Variants in SGCD observed in about 807,000 individuals in gnomAD.
SGCD encodes sarcoglycan delta.
A neutral mutation model predicts 36.6 loss-of-function variants in SGCD; 18 were observed. The ratio of observed to expected loss-of-function variants is 0.49; its 90% CI spans 0.34 to 0.73. SGCD has a LOEUF of 0.73. SGCD is among the 30% of genes least tolerant of loss of function. The pLI, the probability that SGCD is intolerant of heterozygous loss-of-function variation, is 0.01. For synonymous variants in SGCD, 133 were observed against 130.6 expected (o/e 1.02, Z -0.12); for missense variants, 387 against 346.7 (o/e 1.12, Z -0.92).
At chr5:156,713,087 C>T (rs1755065082) in intron 7 of SGCD, among the ~76,000 whole-genome samples, 1 of 152,010 alleles carries the variant, frequency 6.6e-6, no homozygotes, top group South Asian at 2.1e-4. Context: ...GGTAGAAATC[C>T]CCTATGATTA....
intron 3 of SGCD, among the ~76,000 whole-genome samples, chr5:156,197,569 G>C (rs1224182013): frequency 2.7e-5 from 4 of 150,098 alleles, no homozygotes; most frequent in African/African-American, 9.8e-5. Flanking sequence ...ATAACAAAGG[G>C]AGAGTAGAAA....
At chr5:156,006,111 C>A (rs904595318) in intron 1 of SGCD, among the ~76,000 whole-genome samples, 3 of 152,064 alleles carry the variant, frequency 2.0e-5, no homozygotes, top group Admixed American at 1.3e-4. Context: ...ACCTCTAGTA[C>A]GGAGTAAACA....
At chr5:156,155,710 A>T (rs537013509) in intron 3 of SGCD, among the ~76,000 whole-genome samples, 1 of 151,260 alleles carries the variant, frequency 6.6e-6, no homozygotes, top group East Asian at 1.9e-4. Flanking sequence ...GTCAGTGGGC[A>T]GCTGATAGAG....
intron 1 of SGCD, among the ~76,000 whole-genome samples, chr5:156,005,730 G>A (rs1469917473): frequency 2.0e-5 from 3 of 152,274 alleles, no homozygotes; most frequent in East Asian, 1.9e-4. Flanking sequence ...GATTACAGGC[G>A]TGAGCCACCG....
chr5:156,226,577 A>T (rs1764865395), intron 3 of SGCD, among the ~76,000 whole-genome samples: 2 of 152,208 alleles, frequency 1.3e-5, no homozygotes. Flanking sequence ...CTCTGGGTAG[A>T]TACCAAGTAG....
At chr5:156,532,794 G>C (rs1008338804) in intron 4 of SGCD, among the ~76,000 whole-genome samples, 4 of 151,932 alleles carry the variant, frequency 2.6e-5, no homozygotes, top group Admixed American at 6.6e-5. Flanking sequence ...CCTTATAAAG[G>C]CTCTATCACT....
Position 156,647,815 on chromosome 5 carries a change from C to T in SGCD, c.575+279C>T, listed in dbSNP as rs542004220. ...GTGCTGTATTTTGTGGTACCCAAAACCTATCCAGTTAGAGAACTAGTTGGT... is the reference window on the plus strand; with the variant it reads ...GTGCTGTATTTTGTGGTACCCAAAATCTATCCAGTTAGAGAACTAGTTGGT... On this transcript the variant is annotated intron_variant, in intron 7 of 8. Transcript: ENST00000337851. Among the ~76,000 whole-genome samples, 3 of 152,212 alleles carry T rather than the reference C, an allele frequency of 2.0e-5. No individual in the cohort carries two copies. The South Asian group carries it at 6.2e-4, about 32-fold the overall frequency.
intron 3 of SGCD, among the ~76,000 whole-genome samples, chr5:156,388,773 T>A (rs185318005): frequency 6.6e-6 from 1 of 152,362 alleles, no homozygotes; most frequent in Non-Finnish European, 1.5e-5. Context: ...CTATAACTTT[T>A]AGCAACTGAA....
At chr5:156,445,933 T>A (rs1305508860) in intron 3 of SGCD, among the ~76,000 whole-genome samples, 2 of 152,156 alleles carry the variant, frequency 1.3e-5, no homozygotes, top group African/African-American at 2.4e-5. Context: ...ATATGTACTA[T>A]GTAACCTGTA....
chr5:156,282,414 A>G (rs780992592), intron 3 of SGCD, among the ~76,000 whole-genome samples: 2 of 152,182 alleles, frequency 1.3e-5, no homozygotes, highest in South Asian at 2.1e-4. Flanking sequence ...GTTGCTGGGA[A>G]GTGATGGGCA....
At chr5:156,487,788 C>CAAAAAAA (rs56006984) in intron 3 of SGCD, among the ~76,000 whole-genome samples, 2 of 41,388 alleles carry the variant, frequency 4.8e-5, no homozygotes, top group Non-Finnish European at 1.1e-4. Context: ...ACTCTGTCAC[C>CAAAAAAA]AAAAAAAAAA....
chr5:156,095,981 A>C (rs79032277), intron 1 of SGCD, among the ~76,000 whole-genome samples: 3,071 of 152,322 alleles, frequency 0.02, 45 homozygotes, highest in Non-Finnish European at 0.034. Flanking sequence ...CTGAGTTCTG[A>C]AGCCCATTGA....
chr5:156,742,619 A>C (rs113766046), intron 7 of SGCD, among the ~76,000 whole-genome samples: 3 of 152,230 alleles, frequency 2.0e-5, no homozygotes, highest in Admixed American at 2.0e-4. Context: ...TAGATTTACT[A>C]TAAGAAATTG....
intron 1 of SGCD, among the ~76,000 whole-genome samples, chr5:156,006,151 A>G (rs1415529748): frequency 2.0e-5 from 3 of 152,142 alleles, no homozygotes; most frequent in Non-Finnish European, 4.4e-5. Flanking sequence ...TGTTGTTATT[A>G]TTATCATTAT....
intron 3 of SGCD, among the ~76,000 whole-genome samples, chr5:156,213,859 A>G (rs2127642274): frequency 6.6e-6 from 1 of 152,182 alleles, no homozygotes; most frequent in East Asian, 1.9e-4. Context: ...AGAATGAAGG[A>G]CAAAATCACT....
intron 7 of SGCD, among the ~76,000 whole-genome samples, chr5:156,679,053 T>C (rs1753623510): frequency 6.6e-6 from 1 of 152,212 alleles, no homozygotes; most frequent in Admixed American, 6.5e-5. Flanking sequence ...GCAGCATTTG[T>C]ATGGATTTCT....
intron 3 of SGCD, among the ~76,000 whole-genome samples, chr5:156,506,353 TCACACACACACACAGACACA>T (rs969091876): frequency 1.1e-4 from 17 of 150,644 alleles, no homozygotes; most frequent in African/African-American, 3.9e-4. Flanking sequence ...AAACACACAC[TCACACACACACACAGACACA>T]CACACACACA....
At chr5:156,428,043 G>A (rs1386141230) in intron 3 of SGCD, among the ~76,000 whole-genome samples, 1 of 152,164 alleles carries the variant, frequency 6.6e-6, no homozygotes, top group South Asian at 2.1e-4. Context: ...GGTGATGCTG[G>A]CTTCATAGAA....
At chr5:156,617,744 C>T (rs76893442) in intron 6 of SGCD, among the ~76,000 whole-genome samples, 4,329 of 152,286 alleles carry the variant, frequency 0.028, 80 homozygotes, top group Non-Finnish European at 0.043. Flanking sequence ...CACCCAGCCA[C>T]CCAGCCCATT....
Sources: gnomAD v4.1 joint callset for allele counts (sites outside exome capture counted in the v4.1 genomes callset) on GRCh38, gnomAD v4.1.1 for gene constraint, MANE v1.5 for transcripts, NCBI Gene and HGNC (gene_info 2026-07-23, HGNC 2026-07-21) for gene names.